RAB3GAP2: variants seen among roughly 807,000 people sequenced by gnomAD.
RAB3GAP2 encodes the protein rab3 GTPase-activating protein non-catalytic subunit.
RAB3GAP2 carries 87 observed loss-of-function variants against 185.3 expected under a neutral mutation model. That is an observed-to-expected ratio of 0.47 (90% CI 0.39 to 0.56). The LOEUF (loss-of-function observed/expected upper bound fraction) is 0.56. Among genes scored for constraint, RAB3GAP2 ranks in the 20% least tolerant of loss-of-function variants. The pLI is 0.00. For synonymous variants in RAB3GAP2, 554 were observed against 576.1 expected (o/e 0.96, Z 0.55); for missense variants, 1,492 against 1,638.2 (o/e 0.91, Z 1.54).
In RAB3GAP2 at chr1:220,196,256, A is replaced by G. The variant is rs777628916; in HGVS notation, c.954T>C (p.Ala318=). The G allele has an allele frequency of 6.2e-7, 1 of 1,613,330 alleles. No homozygotes were observed. Among genetic ancestry groups the G allele is most frequent in the East Asian group, 2.2e-5 (1 of 44,828 alleles). The change falls in exon 10 of 35, where the codon GCT becomes GCC. Residue 318 remains alanine (A), a synonymous_variant. Transcript: ENST00000358951. ...GSNPFTGFFY[A]LEGSTQPLLS... ...TCATTGATAAAACTCATACCTCTAA[A>G]GCATAGAAGAAGCCAGTAAATGGAT...
At position 220,158,444 on chromosome 1, in the gene RAB3GAP2, CTTTT is replaced by C. The variant is rs869239032; in HGVS notation, c.3262-572_3262-569del. 6.9e-6 allele frequency among the ~76,000 whole-genome samples: 1 copy of C among 145,146 alleles called. No individual in the cohort carries two copies. The highest frequency in any genetic ancestry group is 1.5e-5 in the Non-Finnish European group (1 of 65,624). ...AGGGACCACTGCATTTGTGTATAAT[CTTTT>C]TTTTTTTTTGAGACAGAGTTTCATT... On this transcript the variant is annotated intron_variant, in intron 29 of 34. Coordinates refer to ENST00000358951, the MANE Select transcript of RAB3GAP2 (RefSeq NM_012414.4). The surrounding 1 kb of genome is among the most constrained non-coding windows in gnomAD (Gnocchi z 4.3).
intron 6 of RAB3GAP2, 50 bp downstream of exon 6, chr1:220,210,751 C>A (rs770151729): frequency 6.6e-7 from 1 of 1,522,760 alleles, no homozygotes; most frequent in Non-Finnish European, 9.1e-7. Flanking sequence ...GATGCATAAC[C>A]AGATATTGCA....
At chr1:220,260,314 C>A (rs1413525599) in intron 1 of RAB3GAP2, among the ~76,000 whole-genome samples, 2 of 89,088 alleles carry the variant, frequency 2.2e-5, no homozygotes, top group Admixed American at 2.5e-4. Flanking sequence ...GCACTATTCA[C>A]AATACAATAG....
At chr1:220,152,543 G>C (rs1657777410) in intron 33 of RAB3GAP2, among the ~76,000 whole-genome samples, 1 of 152,092 alleles carries the variant, frequency 6.6e-6, no homozygotes, top group South Asian at 2.1e-4. Context: ...AGTCATTCTA[G>C]TCCCCACCTC....
chr1:220,236,635 C>T (rs747095171), intron 1 of RAB3GAP2, among the ~76,000 whole-genome samples: 5 of 151,100 alleles, frequency 3.3e-5, no homozygotes, highest in African/African-American at 9.8e-5. Context: ...TTATTTCTTA[C>T]GCCTTCAGGT....
chr1:220,203,228 T>TA (rs1658895916), intron 8 of RAB3GAP2, among the ~76,000 whole-genome samples: 1 of 152,170 alleles, frequency 6.6e-6, no homozygotes. Flanking sequence ...TCCCTTCACC[T>TA]AGTGAGTAAG....
At chr1:220,161,660 G>C (rs1195778455) in intron 28 of RAB3GAP2, among the ~76,000 whole-genome samples, 1 of 152,154 alleles carries the variant, frequency 6.6e-6, no homozygotes, top group Non-Finnish European at 1.5e-5. Flanking sequence ...TGAATGCTTT[G>C]CAAAGATTTA....
intron 17 of RAB3GAP2, among the ~76,000 whole-genome samples, chr1:220,189,327 C>T (rs1354289354): frequency 6.6e-6 from 1 of 151,902 alleles, no homozygotes; most frequent in Non-Finnish European, 1.5e-5. Flanking sequence ...AAATGATTCT[C>T]CTGCCTCAGC....
chr1:220,256,803 G>T (rs1166028966), intron 1 of RAB3GAP2, among the ~76,000 whole-genome samples: 1 of 152,116 alleles, frequency 6.6e-6, no homozygotes, highest in Non-Finnish European at 1.5e-5. Context: ...CAATAATAGT[G>T]GGAGATTTTA....
intron 21 of RAB3GAP2, among the ~76,000 whole-genome samples, chr1:220,177,788 G>C (rs1007421104): frequency 2.0e-5 from 3 of 152,078 alleles, no homozygotes; most frequent in Admixed American, 6.6e-5. Context: ...GAATGAAAAG[G>C]AATGAACAAG....
At position 220,252,152 on chromosome 1, in the gene RAB3GAP2, GAAAA is replaced by G. The variant is rs58516168; in HGVS notation, c.116-19293_116-19290del. Among the ~76,000 whole-genome samples, 4 of 96,000 alleles carry G rather than the reference GAAAA, an allele frequency of 4.2e-5. No homozygotes were observed. The South Asian group carries it at 1.0e-3, about 25-fold the overall frequency. The allele number at this position is 96,000 out of a possible 152,430, so 63.0% of individuals were successfully genotyped here. On this transcript the variant is annotated intron_variant, in intron 1 of 34. Coordinates refer to ENST00000358951, the MANE Select transcript of RAB3GAP2 (RefSeq NM_012414.4). ...AGGCTGAGACCCTCTCTCAAAAAAA[GAAAA>G]AAAAAAAAAAAAAAGAGAAAATGAA...
intron 1 of RAB3GAP2, among the ~76,000 whole-genome samples, chr1:220,264,777 C>T (rs1469967176): frequency 1.3e-5 from 2 of 152,238 alleles, no homozygotes; most frequent in East Asian, 2.0e-4. Context: ...AATATCACCT[C>T]CTATATGAAG....
At chr1:220,268,545 C>G (rs1166604765) in intron 1 of RAB3GAP2, among the ~76,000 whole-genome samples, 2 of 152,158 alleles carry the variant, frequency 1.3e-5, no homozygotes, top group Non-Finnish European at 2.9e-5. Context: ...CTACAAAGTA[C>G]ACATTGCTTT....
chr1:220,201,431 T>TA, intron 9 of RAB3GAP2, among the ~76,000 whole-genome samples: 1 of 152,288 alleles, frequency 6.6e-6, no homozygotes, highest in South Asian at 2.1e-4. Context: ...GTGAGTGACT[T>TA]AAAACTGTAC....
chr1:220,184,201 TTTAACAG>T, intron 18 of RAB3GAP2, 38 bp from the exon 19 acceptor site: 1 of 1,545,684 alleles, frequency 6.5e-7, no homozygotes, highest in Non-Finnish European at 8.9e-7. Flanking sequence ...AAGAGATATA[TTTAACAG>T]ACTCATAAAC....
chr1:220,203,120 C>T (rs569671631), intron 8 of RAB3GAP2, among the ~76,000 whole-genome samples: 1 of 152,282 alleles, frequency 6.6e-6, no homozygotes, highest in African/African-American at 2.4e-5. Context: ...ACAGCAAGGT[C>T]TCTAACCTAG....
At chr1:220,206,915 C>T (rs1187044616) in intron 7 of RAB3GAP2, among the ~76,000 whole-genome samples, 1 of 152,188 alleles carries the variant, frequency 6.6e-6, no homozygotes, top group Non-Finnish European at 1.5e-5. Context: ...ACTATCTTAT[C>T]AACATGACTT....
At chr1:220,257,205 T>C (rs1190197523) in intron 1 of RAB3GAP2, among the ~76,000 whole-genome samples, 1 of 151,844 alleles carries the variant, frequency 6.6e-6, no homozygotes, top group Middle Eastern at 3.2e-3. Flanking sequence ...GGTGAAACCA[T>C]GTCTCTACTA....
At chr1:220,228,659 T>G (rs142872751) in intron 2 of RAB3GAP2, among the ~76,000 whole-genome samples, 1 of 152,304 alleles carries the variant, frequency 6.6e-6, no homozygotes, top group East Asian at 1.9e-4. Flanking sequence ...CTGCCTACCT[T>G]TACTGTCACC....
Sources: allele counts gnomAD v4.1 joint callset (sites outside exome capture counted in the v4.1 genomes callset), GRCh38; gene constraint gnomAD v4.1.1; non-coding constraint Gnocchi (gnomAD v3.1); transcripts MANE v1.5; gene names NCBI Gene and HGNC (gene_info 2026-07-23, HGNC 2026-07-21).